The following EXT1 variants were observed in gnomAD, a reference collection of about 807,000 sequenced individuals.
The protein encoded by EXT1 is exostosin-1.
In EXT1, 20 loss-of-function variants were observed where a neutral mutation model predicts 82.5. The observed-to-expected ratio is 0.24, with a 90% confidence interval of 0.17 to 0.35. The LOEUF is 0.35. Ranked by LOEUF, EXT1 falls within the 10% of genes least tolerant of loss-of-function variation. The probability of loss-of-function intolerance (pLI) is 1.00; values close to 1 mark genes in which losing one functional copy is unlikely to be tolerated. For synonymous variants in EXT1, 348 were observed against 350.8 expected, an observed-to-expected ratio of 0.99 and a Z score of 0.09; for missense variants, 757 against 936.5, an observed-to-expected ratio of 0.81 and a Z score of 2.50.
At chr8:117,950,501 GT>G (rs1384060973) in intron 1 of EXT1, among the ~76,000 whole-genome samples, 1 of 152,108 alleles carries the variant, frequency 6.6e-6, no homozygotes, top group African/African-American at 2.4e-5. Context: ...TACAATTCCT[GT>G]TTATGTAAAC....
At chr8:117,864,958 T>TA (rs1563584454) in intron 1 of EXT1, among the ~76,000 whole-genome samples, 39 of 152,042 alleles carry the variant, frequency 2.6e-4, no homozygotes, top group African/African-American at 6.5e-4. Context: ...CTGTTTTTTT[T>TA]TAAAAAAATA....
intron 1 of EXT1, among the ~76,000 whole-genome samples, chr8:118,055,491 G>A (rs969308181): frequency 1.3e-4 from 20 of 152,174 alleles, no homozygotes; most frequent in African/African-American, 4.1e-4. Flanking sequence ...TCTATCTGAA[G>A]AAGAATTTTG....
At chr8:117,897,009 T>A (rs1813351421) in intron 1 of EXT1, among the ~76,000 whole-genome samples, 1 of 152,132 alleles carries the variant, frequency 6.6e-6, no homozygotes, top group South Asian at 2.1e-4. Flanking sequence ...CTCTAAGAAG[T>A]GCCCCTACTT....
chr8:117,974,170 C>T (rs1478334713), intron 1 of EXT1, among the ~76,000 whole-genome samples: 1 of 152,138 alleles, frequency 6.6e-6, no homozygotes, highest in Non-Finnish European at 1.5e-5. Context: ...AACAGATAAG[C>T]TCTATACTGA....
At chr8:117,951,257 T>C (rs1814486121) in intron 1 of EXT1, among the ~76,000 whole-genome samples, 1 of 152,200 alleles carries the variant, frequency 6.6e-6, no homozygotes, top group African/African-American at 2.4e-5. Context: ...ATTTGTATAT[T>C]TCCCTACCTA....
chr8:117,857,023 G>A (rs1258364958), intron 1 of EXT1, among the ~76,000 whole-genome samples: 1 of 152,174 alleles, frequency 6.6e-6, no homozygotes, highest in Non-Finnish European at 1.5e-5. Flanking sequence ...CTCTGCCTGT[G>A]CTCTATAAAT....
At position 118,110,127 on chromosome 8, in the gene EXT1, T is replaced by G; in HGVS notation, c.920A>C (p.His307Pro). The G allele has an allele frequency of 6.2e-7, 1 of 1,614,224 alleles. No homozygotes were observed. Among genetic ancestry groups the G allele is most frequent in the Non-Finnish European group, 8.5e-7 (1 of 1,180,036 alleles). The change falls in exon 1 of 11, where the codon CAC becomes CCC. Residue 307 changes from histidine to proline, a missense_variant. Coordinates refer to ENST00000378204, the MANE Select transcript of EXT1 (RefSeq NM_000127.3). ...TCKHGKDWQK[H>P]KDSRCDRDNT... ...GTCTCTGTCACAGCGAGAATCCTTG[T>G]GCTTTTGCCAGTCTTTGCCATGCTT...
intron 1 of EXT1, among the ~76,000 whole-genome samples, chr8:117,945,286 A>G (rs1019010066): frequency 3.9e-5 from 6 of 152,196 alleles, no homozygotes; most frequent in African/African-American, 1.4e-4. Flanking sequence ...GTTGATGCCC[A>G]TGCTTGTAAC....
chr8:117,925,705 C>CAAAAA (rs3049788), intron 1 of EXT1, among the ~76,000 whole-genome samples: 6 of 98,606 alleles, frequency 6.1e-5, no homozygotes, highest in Non-Finnish European at 8.1e-5. Context: ...CCTGTCTCTA[C>CAAAAA]AAAAAAAAAA....
rs1169322163 is a variant in EXT1 at position 117,919,566 on chromosome 8, GC to G, written c.963-82366del. Among the ~76,000 whole-genome samples the G allele has an allele frequency of 2.7e-5, 4 of 150,406 alleles. No individual in the cohort carries two copies. The East Asian group carries it at 5.8e-4, about 22-fold the overall frequency. ...GTTGCTGAGGATGGAGTGCAGTGGT[GC>G]AAACACGGCTAACTGCAGCTTCAAA... is the stretch of plus-strand genomic sequence containing the variant. On this transcript the variant is annotated intron_variant, in intron 1 of 10. Transcript: ENST00000378204.
At chr8:117,891,999 G>T (rs920154253) in intron 1 of EXT1, among the ~76,000 whole-genome samples, 148 of 151,890 alleles carry the variant, frequency 9.7e-4, no homozygotes, top group Middle Eastern at 3.4e-3. Context: ...TAGAGGCGGG[G>T]TTTCACCATG....
chr8:117,947,536 A>AATCT (rs1814413246), intron 1 of EXT1, among the ~76,000 whole-genome samples: 8 of 152,104 alleles, frequency 5.3e-5, no homozygotes, highest in Admixed American at 5.2e-4. Flanking sequence ...CTTTCACCAC[A>AATCT]ATCTCCTGAG....
chr8:117,882,338 C>T (rs1205211113), intron 1 of EXT1, among the ~76,000 whole-genome samples: 3 of 152,278 alleles, frequency 2.0e-5, no homozygotes, highest in Non-Finnish European at 2.9e-5. Context: ...CCGCCTTGGC[C>T]TCCCAAAGTG....
chr8:117,898,115 T>C (rs1813376928), intron 1 of EXT1, among the ~76,000 whole-genome samples: 1 of 152,218 alleles, frequency 6.6e-6, no homozygotes, highest in Non-Finnish European at 1.5e-5. Flanking sequence ...CCAAAGTGTA[T>C]ACTCTTTCCA....
chr8:117,809,210 T>TATAAATAA (rs1392427653), intron 8 of EXT1, among the ~76,000 whole-genome samples: 1 of 88,718 alleles, frequency 1.1e-5, no homozygotes, highest in Non-Finnish European at 2.3e-5. Context: ...TATGTGTGTG[T>TATAAATAA]GTGTATAAAT....
chr8:117,906,375 CT>C (rs1173260601), intron 1 of EXT1, among the ~76,000 whole-genome samples: 2 of 152,138 alleles, frequency 1.3e-5, no homozygotes, highest in African/African-American at 4.8e-5. Context: ...GATAATAAGA[CT>C]GATGCCTGTG....
intron 1 of EXT1, among the ~76,000 whole-genome samples, chr8:117,869,861 G>C (rs1191506053): frequency 6.6e-6 from 1 of 151,936 alleles, no homozygotes; most frequent in Admixed American, 6.6e-5. Context: ...GGTAATGTTA[G>C]GTGAGTAGTA....
chr8:118,073,516 G>A (rs1051335664), intron 1 of EXT1, among the ~76,000 whole-genome samples: 12 of 152,168 alleles, frequency 7.9e-5, no homozygotes, highest in African/African-American at 2.7e-4. Context: ...AGGTACTCAG[G>A]AGTCTGAGGC....
intron 1 of EXT1, among the ~76,000 whole-genome samples, chr8:117,944,933 C>A (rs1227535993): frequency 2.0e-5 from 3 of 152,134 alleles, no homozygotes; most frequent in East Asian, 3.9e-4. Context: ...GAGGCGGAGG[C>A]GGGCGGATCA....
Sources: allele counts gnomAD v4.1 joint callset (sites outside exome capture counted in the v4.1 genomes callset), GRCh38; gene constraint gnomAD v4.1.1; transcripts MANE v1.5; gene names NCBI Gene and HGNC (gene_info 2026-07-23, HGNC 2026-07-21).